The following SLC44A5 variants were observed in gnomAD, a reference collection of about 807,000 sequenced individuals.
The protein encoded by SLC44A5 is choline transporter-like protein 5.
Under a neutral mutation model 101.8 loss-of-function variants are expected in SLC44A5, and 57 were observed. That is an observed-to-expected ratio of 0.56 (90% CI 0.45 to 0.70). SLC44A5 has a LOEUF of 0.70. SLC44A5 is among the 30% of genes least tolerant of loss of function. The pLI, the probability that SLC44A5 is intolerant of heterozygous loss-of-function variation, is 0.00. For missense variants in SLC44A5, 737 were observed against 853.1 expected (o/e 0.86, Z 1.70); for synonymous variants, 281 against 290.9 (o/e 0.97, Z 0.35).
rs1208005967 is a variant in SLC44A5 at position 75,387,931 on chromosome 1, A to C, written c.52+8652T>G. 2.7e-5 allele frequency among the ~76,000 whole-genome samples: 4 copies of C among 149,162 alleles called. No homozygotes were observed. In the East Asian group the frequency reaches 8.1e-4, roughly 30 times the overall value. On this transcript the variant is annotated intron_variant, in intron 3 of 23. Transcript: ENST00000370859. ...TTGTAGGGACATGGATGAAATTGGAAATCATCATTCTCAGTAAACTATCGC... is the reference window on the plus strand; with the variant it reads ...TTGTAGGGACATGGATGAAATTGGACATCATCATTCTCAGTAAACTATCGC...
the SLC44A5 span, among the ~76,000 whole-genome samples, chr1:75,669,017 A>G: frequency 2.6e-5 from 4 of 151,374 alleles, 1 homozygote; most frequent in African/African-American, 4.9e-5. Context: ...AGAAGAAGTG[A>G]GAAGAAGAAG....
chr1:75,662,364 G>A, the SLC44A5 span, among the ~76,000 whole-genome samples: 3 of 151,996 alleles, frequency 2.0e-5, no homozygotes, highest in East Asian at 5.8e-4. Flanking sequence ...AGTGGAGAGG[G>A]AGCTGGAGTA....
intron 2 of SLC44A5, among the ~76,000 whole-genome samples, chr1:75,482,568 A>G (rs757949148): frequency 3.9e-4 from 59 of 152,270 alleles, no homozygotes; most frequent in Middle Eastern, 3.4e-3. Flanking sequence ...CTGATGTTTC[A>G]GTTTCCTTGT....
intron 2 of SLC44A5, among the ~76,000 whole-genome samples, chr1:75,491,295 CG>C (rs1261877724): frequency 2.0e-5 from 3 of 151,976 alleles, no homozygotes; most frequent in Non-Finnish European, 4.4e-5. Context: ...AGCTTGAGGT[CG>C]AAGTTGATAT....
At chr1:75,532,417 T>TTTA (rs1670768282) in intron 2 of SLC44A5, among the ~76,000 whole-genome samples, 1 of 19,946 alleles carries the variant, frequency 5.0e-5, no homozygotes, top group African/African-American at 6.1e-5. Flanking sequence ...TTAAATAAAC[T>TTTA]ATAATAAGTA....
At chr1:75,683,264 C>A in the SLC44A5 span, among the ~76,000 whole-genome samples, 15 of 152,070 alleles carry the variant, frequency 9.9e-5, no homozygotes, top group Non-Finnish European at 1.5e-4. Context: ...GGGTATATAC[C>A]CAAAGGACTA....
At chr1:75,425,418 C>A (rs1235095759) in intron 2 of SLC44A5, among the ~76,000 whole-genome samples, 2 of 152,120 alleles carry the variant, frequency 1.3e-5, no homozygotes, top group African/African-American at 4.8e-5. Context: ...GGCAGATGGT[C>A]GATAAAGCTG....
In SLC44A5 at chr1:75,287,014, C is replaced by T. The variant is rs147473570; in HGVS notation, c.176-11972G>A. Among the ~76,000 whole-genome samples, 1,036 of 152,206 alleles carry T rather than the reference C, an allele frequency of 6.8e-3. 8 individuals are homozygous for T. The highest frequency in any genetic ancestry group is 0.014 in the South Asian group (68 of 4,812). On this transcript the variant is annotated intron_variant, in intron 5 of 23. Transcript: ENST00000370859. ...CTAGCAAGGGCAGGGAAGTTTTCCT[C>T]GATTAGTCCCTCAAATATGTTATCC...
At chr1:75,649,153 AACG>A in the SLC44A5 span, among the ~76,000 whole-genome samples, 8 of 152,182 alleles carry the variant, frequency 5.3e-5, no homozygotes, top group Non-Finnish European at 1.2e-4. Context: ...ACTGTTGATT[AACG>A]ACACAAAGGG....
chr1:75,715,540 T>A, the SLC44A5 span, among the ~76,000 whole-genome samples: 1 of 152,198 alleles, frequency 6.6e-6, no homozygotes, highest in Non-Finnish European at 1.5e-5. Context: ...AAACAAGCGA[T>A]GCGGATAAGA....
the SLC44A5 span, among the ~76,000 whole-genome samples, chr1:75,717,638 A>T: frequency 3.9e-5 from 6 of 152,342 alleles, no homozygotes; most frequent in African/African-American, 1.4e-4. Flanking sequence ...AGGTGAATTT[A>T]AAAATATGTA....
At chr1:75,263,529 G>A (rs1406116094) in intron 6 of SLC44A5, among the ~76,000 whole-genome samples, 1 of 152,192 alleles carries the variant, frequency 6.6e-6, no homozygotes, top group Non-Finnish European at 1.5e-5. Flanking sequence ...TACACTGTTG[G>A]TAGGAGTGTA....
chr1:75,258,812 G>A (rs958440670), intron 6 of SLC44A5, among the ~76,000 whole-genome samples: 10 of 150,728 alleles, frequency 6.6e-5, no homozygotes, highest in Admixed American at 2.0e-4. Flanking sequence ...CCTCTGGGAC[G>A]AAGCTTCCAG....
chr1:75,467,662 G>A (rs1325289202), intron 2 of SLC44A5, among the ~76,000 whole-genome samples: 1 of 152,036 alleles, frequency 6.6e-6, no homozygotes, highest in South Asian at 2.1e-4. Flanking sequence ...CCTATCTCTC[G>A]CCATATACAA....
At chr1:75,316,704 G>T (rs532812491) in intron 4 of SLC44A5, among the ~76,000 whole-genome samples, 199 of 152,258 alleles carry the variant, frequency 1.3e-3, no homozygotes, top group Admixed American at 2.6e-3. Context: ...TAGAAGGAGG[G>T]TTAGTATTCT....
chr1:75,492,059 C>T (rs191975401), intron 2 of SLC44A5, among the ~76,000 whole-genome samples: 1 of 152,090 alleles, frequency 6.6e-6, no homozygotes, highest in African/African-American at 2.4e-5. Context: ...GGTATGTTAC[C>T]TGTTTTAATG....
At chr1:75,523,709 C>T (rs1670268961) in intron 2 of SLC44A5, among the ~76,000 whole-genome samples, 1 of 152,184 alleles carries the variant, frequency 6.6e-6, no homozygotes, top group South Asian at 2.1e-4. Flanking sequence ...TGCACATTTT[C>T]CTAAACCAGT....
chr1:75,619,079 A>AAG, the SLC44A5 span, among the ~76,000 whole-genome samples: 9 of 96,548 alleles, frequency 9.3e-5, no homozygotes, highest in African/African-American at 1.2e-4. Flanking sequence ...TCAAAAAAAA[A>AAG]GGGGGGGGGG....
intron 2 of SLC44A5, among the ~76,000 whole-genome samples, chr1:75,473,206 G>A (rs1667204989): frequency 6.6e-6 from 1 of 152,168 alleles, no homozygotes; most frequent in Non-Finnish European, 1.5e-5. Context: ...CATCTCCAGG[G>A]CCTACATGGG....
Sources: allele counts gnomAD v4.1 joint callset (sites outside exome capture counted in the v4.1 genomes callset), GRCh38; gene constraint gnomAD v4.1.1; transcripts MANE v1.5; gene names NCBI Gene and HGNC (gene_info 2026-07-23, HGNC 2026-07-21).